INPPL1: variants seen among roughly 807,000 people sequenced by gnomAD.
The protein encoded by INPPL1 is phosphatidylinositol 3,4,5-trisphosphate 5-phosphatase 2.
Under a neutral mutation model 139.3 loss-of-function variants are expected in INPPL1, and 91 were observed. The ratio of observed to expected loss-of-function variants is 0.65; its 90% CI spans 0.55 to 0.78. INPPL1 has a LOEUF of 0.78. Among genes scored for constraint, INPPL1 ranks in the 30% least tolerant of loss-of-function variants. The probability of loss-of-function intolerance (pLI) is 0.00; values close to 1 mark genes in which losing one functional copy is unlikely to be tolerated. For synonymous variants in INPPL1, 719 were observed against 686.6 expected, an observed-to-expected ratio of 1.05 and a Z score of -0.74; for missense variants, 1,411 against 1,665.6, an observed-to-expected ratio of 0.85 and a Z score of 2.66.
At chr11:72,236,021 C>T in intron 25 of INPPL1, 35 bp downstream of exon 25, 2 of 1,228,320 alleles carry the variant, frequency 1.6e-6, no homozygotes, top group Non-Finnish European at 2.3e-6. Context: ...CCCCCCTTCC[C>T]CCACCCACCT....
rs1009996960 is a variant in INPPL1, at chr11:72,238,820, G to A, written c.*467G>A. On this transcript the variant is annotated 3_prime_UTR_variant, in exon 28 of 28. Coordinates refer to ENST00000298229, the MANE Select transcript of INPPL1 (RefSeq NM_001567.4). ...GAAATGAAGGAATAGCCCGAGGACC[G>A]GGCTGGGGTTTATTTAAACTGTTCT... 6 of 153,110 alleles carry A rather than the reference G, an allele frequency of 3.9e-5. No individual in the cohort carries two copies. The highest frequency in any genetic ancestry group is 9.6e-5 in the African/African-American group (4 of 41,468). The allele number at this position is 153,110 out of a possible 1,614,324, so 9.5% of individuals were successfully genotyped here.
intron 9 of INPPL1, 37 bp from the exon 10 acceptor site, chr11:72,230,325 G>A: frequency 6.2e-7 from 1 of 1,613,454 alleles, no homozygotes; most frequent in Non-Finnish European, 8.5e-7. Flanking sequence ...CCTGGCCTAG[G>A]GGCACAGGCC....
Position 72,232,184 on chromosome 11 carries a change from G to C in INPPL1, c.1616-56G>C, listed in dbSNP as rs535404312. 28 of 1,348,718 alleles carry C rather than the reference G, an allele frequency of 2.1e-5. 1 individual carries two copies. In the South Asian group the frequency reaches 3.2e-4, roughly 16 times the overall value. The allele number at this position is 1,348,718 out of a possible 1,614,324, so 83.5% of individuals were successfully genotyped here. A position where few individuals can be genotyped will look rare whatever the true frequency, so the allele number is the denominator to read the frequency against. On this transcript the variant is annotated intron_variant, in intron 13 of 27. Transcript: ENST00000298229. ...CTGCAGCTTTGAGAGGCAGAAGGGA[G>C]AGTTGGGAGCCCTCTGAGGATGACC... is the stretch of plus-strand genomic sequence containing the variant.
Position 72,232,331 on chromosome 11 carries a change from G to A in INPPL1, c.1707G>A (p.Thr569=), listed in dbSNP as rs985590584. 2.7e-5 allele frequency: 42 copies of A among 1,551,398 alleles called. No homozygotes were observed. Among genetic ancestry groups the A allele is most frequent in the Non-Finnish European group, 3.3e-5 (38 of 1,146,814 alleles). ...NCHLTSGNEK[T]ARRNQNYLDI... is the part of the protein sequence containing the mutation. Reference sequence around the variant, plus strand: ...ACCTCACCTCGGGAAATGAGAAGACGGCTCGGTGAGGGGGCGCCTTTCCCA... The same window carrying A: ...ACCTCACCTCGGGAAATGAGAAGACAGCTCGGTGAGGGGGCGCCTTTCCCA... The change falls in exon 14 of 28, where the codon ACG becomes ACA. Residue 569 remains threonine, a synonymous_variant. Coordinates refer to ENST00000298229, the MANE Select transcript of INPPL1 (RefSeq NM_001567.4).
Position 72,235,782 on chromosome 11 carries a change from T to A in INPPL1, c.2738+29T>A. On this transcript the variant is annotated intron_variant, in intron 24 of 27. Coordinates refer to ENST00000298229, the MANE Select transcript of INPPL1 (RefSeq NM_001567.4). This position sits in a 1 kb window ranked among gnomAD's most constrained non-coding sequence, Gnocchi z 4.9. ...AGCTAGGGCTGTGTTGAATGTCATATGAAAGGGTACCTGGGGGCATCTGGT... is the reference window on the plus strand; with the variant it reads ...AGCTAGGGCTGTGTTGAATGTCATAAGAAAGGGTACCTGGGGGCATCTGGT... 3.1e-6 allele frequency: 5 copies of A among 1,613,966 alleles called. No individual in the cohort carries two copies.
In INPPL1 at chr11:72,224,788, G is replaced by C. The variant is rs919254349; in HGVS notation, c.-197G>C. On this transcript the variant is annotated 5_prime_UTR_variant, in exon 1 of 28. Coordinates refer to ENST00000298229, the MANE Select transcript of INPPL1 (RefSeq NM_001567.4). The stretch of plus-strand genomic sequence containing the variant: ...TTTTCTTTCTCTTCAAGTTGAGGCC[G>C]GCGCTGCAGGCAGCGGCGGCTGCGC... 6 of 196,354 alleles carry C rather than the reference G, an allele frequency of 3.1e-5. No individual in the cohort carries two copies. The highest frequency in any genetic ancestry group is 1.2e-4 in the African/African-American group (5 of 42,250). The allele number at this position is 196,354 out of a possible 1,614,324, so 12.2% of individuals were successfully genotyped here.
chr11:72,230,711 G>T (rs1948808085), intron 10 of INPPL1, 85 bp from the exon 11 acceptor site: 5 of 1,141,462 alleles, frequency 4.4e-6, no homozygotes, highest in Middle Eastern at 2.3e-4. Context: ...TCTCCTCATG[G>T]ACATGAGCCA....
chr11:72,238,003 G>T, intron 26 of INPPL1, 39 bp from the exon 27 acceptor site: 1 of 1,512,510 alleles, frequency 6.6e-7, no homozygotes, highest in Non-Finnish European at 8.8e-7. Flanking sequence ...GTTTCTATGG[G>T]GGGCACTCAG....
At position 72,224,832 on chromosome 11, in the gene INPPL1, C is replaced by A; in HGVS notation, c.-153C>A. On this transcript the variant is annotated 5_prime_UTR_variant, in exon 1 of 28. Transcript: ENST00000298229. ...GCTGCGCGGTGAACGAGGCGGCCTG[C>A]GCGGCGGAGTGCTGAGTCCCGATCC... The A allele has an allele frequency of 2.9e-6, 1 of 343,882 alleles. No individual in the cohort carries two copies. The highest frequency in any genetic ancestry group is 4.2e-6 in the Non-Finnish European group (1 of 236,774). 21.3% of individuals were successfully genotyped at this position (343,882 alleles called of 1,614,324 possible).
intron 11 of INPPL1, 42 bp from the exon 12 acceptor site, chr11:72,230,951 T>TGCCTAACCCCTCCAGACCC (rs1948816538): frequency 1.2e-6 from 2 of 1,611,306 alleles, no homozygotes; most frequent in African/African-American, 2.7e-5. Context: ...CCAGAGCAGG[T>TGCCTAACCCCTCCAGACCC]GCCTAACCCC....
chr11:72,224,394 T>TA (rs1179961753), upstream of INPPL1, among the ~76,000 whole-genome samples: 15 of 150,956 alleles, frequency 9.9e-5, no homozygotes, highest in African/African-American at 3.7e-4. Context: ...AGCCAAGCTG[T>TA]AAGGGGGACG....
chr11:72,234,998 T>G lies in INPPL1; in HGVS notation c.2416-118T>G, dbSNP rs192356634. 35 of 797,464 alleles carry G rather than the reference T, an allele frequency of 4.4e-5. No individual in the cohort carries two copies. The African/African-American group carries it at 5.6e-4, about 13-fold the overall frequency. 49.4% of individuals were successfully genotyped at this position (797,464 alleles called of 1,614,324 possible). A position where few individuals can be genotyped will look rare whatever the true frequency, so the allele number is the denominator to read the frequency against. ...TTTGGCTCTTCTCTGAAGAGTTGAG[T>G]GTGAGTGAGCACAGATGACCTGAGG... is the stretch of plus-strand genomic sequence containing the variant. On this transcript the variant is annotated intron_variant, in intron 21 of 27. Transcript: ENST00000298229. The surrounding 1 kb of genome is among the most constrained non-coding windows in gnomAD (Gnocchi z 4.2).
rs1364567211 is a variant in INPPL1, at chr11:72,233,651, C to T, written c.2123-4C>T. On this transcript the variant is annotated splice_polypyrimidine_tract_variant and splice_region_variant and intron_variant, in intron 18 of 27. Coordinates refer to ENST00000298229, the MANE Select transcript of INPPL1 (RefSeq NM_001567.4). ...GAGTCCCCATTCCTATCCCCTCTCC[C>T]CAGGTTGCACTGATGACATCGTCAC... The T allele has an allele frequency of 6.2e-7, 1 of 1,613,986 alleles. No individual in the cohort carries two copies. Among genetic ancestry groups the T allele is most frequent in the Admixed American group, 1.7e-5 (1 of 60,014 alleles).
At chr11:72,232,127 C>A in intron 13 of INPPL1, 113 bp from the exon 14 acceptor site, 1 of 839,142 alleles carries the variant, frequency 1.2e-6, no homozygotes, top group Non-Finnish European at 2.0e-6. Context: ...CATGTCACAG[C>A]GTCTGGTGGG....
chr11:72,237,385 A>G lies in INPPL1; in HGVS notation c.3141A>G (p.Thr1047=). Residue 1047 remains threonine, a synonymous_variant, in exon 26 of 28, where the codon ACA becomes ACG. Coordinates refer to ENST00000298229, the MANE Select transcript of INPPL1 (RefSeq NM_001567.4). ...GSSSDEESGG[T]LPPPDFPPPP... is the part of the protein sequence containing the mutation. The stretch of plus-strand genomic sequence containing the variant: ...CTTCAGATGAGGAGTCTGGAGGCAC[A>G]CTGCCCCCTCCAGACTTTCCACCTC... 1 of 1,613,710 alleles carries G rather than the reference A, an allele frequency of 6.2e-7. No individual in the cohort carries two copies. The highest frequency in any genetic ancestry group is 8.5e-7 in the Non-Finnish European group (1 of 1,179,982).
In INPPL1 at chr11:72,232,990, G is replaced by T; in HGVS notation, c.1951+16G>T. On this transcript the variant is annotated intron_variant, in intron 16 of 27. Coordinates refer to ENST00000298229, the MANE Select transcript of INPPL1 (RefSeq NM_001567.4). The stretch of plus-strand genomic sequence containing the variant: ...CTTCGATTCAGTGAGTGTGGGCCTG[G>T]TAGGTGGTGATCTGAGGGCTAGGAG... 1 of 1,613,298 alleles carries T rather than the reference G, an allele frequency of 6.2e-7. No individual in the cohort carries two copies. The highest frequency in any genetic ancestry group is 8.5e-7 in the Non-Finnish European group (1 of 1,179,238).
In INPPL1 at chr11:72,228,373, G is replaced by A. The variant is rs142516692; in HGVS notation, c.272G>A (p.Arg91His). The change falls in exon 3 of 28, where the codon CGC (arginine) becomes CAC (histidine). Residue 91 changes from arginine to histidine, a missense_variant. By Grantham distance (29) the Arg-to-His change is conservative. Coordinates refer to ENST00000298229, the MANE Select transcript of INPPL1 (RefSeq NM_001567.4). This position sits in a 1 kb window ranked among gnomAD's most constrained non-coding sequence, Gnocchi z 5.0. ...VQTSQGVPVR[R>H]FQTLGELIGL... ...ACCTCGCAGGGTGTGCCTGTGCGCC[G>A]CTTCCAGACCCTGGGTGAGCTCATC... The A allele has an allele frequency of 1.1e-5, 17 of 1,613,182 alleles. No homozygotes were observed. Among genetic ancestry groups the A allele is most frequent in the Admixed American group, 3.3e-5 (2 of 59,980 alleles).
chr11:72,231,169 A>G lies in INPPL1; in HGVS notation c.1477A>G (p.Thr493Ala). Residue 493 changes from threonine to alanine, a missense_variant, in exon 12 of 28, where the codon ACG becomes GCG. Coordinates refer to ENST00000298229, the MANE Select transcript of INPPL1 (RefSeq NM_001567.4). ...DLLRGGLKEL[T>A]DLDYRPIAMQ... The stretch of plus-strand genomic sequence containing the variant: ...ACTGCGCGGGGGCCTCAAGGAGCTT[A>G]CGGATCTGGATTACCGCCCGGTGAG... 9 of 1,612,958 alleles carry G rather than the reference A, an allele frequency of 5.6e-6. No individual in the cohort carries two copies. The highest frequency in any genetic ancestry group is 6.8e-6 in the Non-Finnish European group (8 of 1,179,900).
In INPPL1 at chr11:72,235,925, C is replaced by A; in HGVS notation, c.2818C>A (p.Pro940Thr). The A allele has an allele frequency of 2.5e-6, 4 of 1,612,878 alleles. No homozygotes were observed. The highest frequency in any genetic ancestry group is 3.4e-6 in the Non-Finnish European group (4 of 1,179,712). The change falls in exon 25 of 28, where the codon CCA (proline) becomes ACA (threonine). Residue 940 changes from proline (P) to threonine (T), a missense_variant. Coordinates refer to ENST00000298229, the MANE Select transcript of INPPL1 (RefSeq NM_001567.4). The surrounding 1 kb of genome is among the most constrained non-coding windows in gnomAD (Gnocchi z 4.9). Reference sequence around the variant, plus strand: ...ATTTGAAGAACCAGAGAAACCGCCACCAACGGGGAGGCCCCCAGCCCCACC... The same window carrying A: ...ATTTGAAGAACCAGAGAAACCGCCAACAACGGGGAGGCCCCCAGCCCCACC... ...RLFEEPEKPP[P>T]TGRPPAPPRA...
Sources: gnomAD v4.1 joint callset for allele counts (sites outside exome capture counted in the v4.1 genomes callset) on GRCh38, gnomAD v4.1.1 for gene constraint, Gnocchi (gnomAD v3.1) non-coding constraint, MANE v1.5 for transcripts, NCBI Gene and HGNC (gene_info 2026-07-23, HGNC 2026-07-21) for gene names.